Variants in INTS7 observed in about 807,000 individuals in gnomAD.
INTS7 encodes the protein integrator complex subunit 7, also known as chromosome 1 open reading frame 73.
INTS7 carries 46 observed loss-of-function variants against 109.2 expected under a neutral mutation model. That is an observed-to-expected ratio of 0.42 (90% confidence interval 0.33 to 0.54). INTS7 has a LOEUF of 0.54. Among genes scored for constraint, INTS7 ranks in the 20% least tolerant of loss-of-function variants. INTS7 has a pLI of 0.07. For synonymous variants in INTS7, 412 were observed against 402.9 expected (o/e 1.02, Z -0.27); for missense variants, 929 against 1,132.4 (o/e 0.82, Z 2.58).
intron 7 of INTS7, among the ~76,000 whole-genome samples, chr1:212,003,305 C>CAAAA (rs35903155): frequency 1.8e-4 from 11 of 61,872 alleles, no homozygotes; most frequent in East Asian, 6.5e-4. Flanking sequence ...AATTTTAAAG[C>CAAAA]AAAAAAAAAA....
rs1350598568 is a variant in INTS7 at position 211,960,471 on chromosome 1, C to T, written c.2183+5959G>A. On this transcript the variant is annotated intron_variant, in intron 16 of 19. Transcript: ENST00000366994. ...AACTGGGCTGAAATGGCTGGAATTA[C>T]AGAAACAGAAATCAGAGTATGGATG... 2.0e-5 allele frequency among the ~76,000 whole-genome samples: 3 copies of T among 151,956 alleles called. No homozygotes were observed. In the East Asian group the frequency reaches 5.8e-4, roughly 29 times the overall value.
Position 212,006,073 on chromosome 1 carries a change from A to G in INTS7, c.879+566T>C, listed in dbSNP as rs142705953. ...GTGTTATTTCTATCGGTAATGGGTAAACAAACAGGGTTCTATTTTGAGAAA... is the reference window on the plus strand; with the variant it reads ...GTGTTATTTCTATCGGTAATGGGTAGACAAACAGGGTTCTATTTTGAGAAA... On this transcript the variant is annotated intron_variant, in intron 7 of 19. Transcript: ENST00000366994. Among the ~76,000 whole-genome samples the G allele has an allele frequency of 7.7e-3, 1,167 of 152,288 alleles. 14 individuals carry two copies. The highest frequency in any genetic ancestry group is 0.014 in the Non-Finnish European group (937 of 68,018).
At chr1:211,991,987 A>G (rs1303926471) in intron 7 of INTS7, among the ~76,000 whole-genome samples, 1 of 152,270 alleles carries the variant, frequency 6.6e-6, no homozygotes, top group Non-Finnish European at 1.5e-5. Context: ...TGAAAGAAAG[A>G]GCAGGGGATG....
At chr1:212,033,977 G>A (rs770665365) in intron 1 of INTS7, among the ~76,000 whole-genome samples, 5 of 152,202 alleles carry the variant, frequency 3.3e-5, no homozygotes, top group Admixed American at 6.5e-5. Flanking sequence ...CAGCTACTCG[G>A]GAGGCTGAGG....
At chr1:211,982,641 A>AG (rs762972143) in intron 9 of INTS7, 35 bp downstream of exon 9, 4 of 1,511,730 alleles carry the variant, frequency 2.6e-6, no homozygotes, top group Admixed American at 2.2e-5. Flanking sequence ...TCTAAACCAA[A>AG]GTTTATACGT....
Position 211,940,718 on chromosome 1 carries a change from T to TA in INTS7, c.*1105dup, listed in dbSNP as rs1459168287. ...ATCCCAACAAACTGAGCCTGTGTAATAAAGAGACTGCTCTCTCTAAACAAT... is the reference window on the plus strand; with the variant it reads ...ATCCCAACAAACTGAGCCTGTGTAATAAAAGAGACTGCTCTCTCTAAACAAT... On this transcript the variant is annotated 3_prime_UTR_variant, in exon 20 of 20. Transcript: ENST00000366994. The TA allele has an allele frequency of 3.9e-5, 6 of 152,176 alleles. No homozygotes were observed. Among genetic ancestry groups the TA allele is most frequent in the Non-Finnish European group, 7.3e-5 (5 of 68,036 alleles). 9.4% of individuals were successfully genotyped at this position (152,176 alleles called of 1,614,324 possible).
intron 17 of INTS7, among the ~76,000 whole-genome samples, chr1:211,951,601 C>T (rs59706922): frequency 0.072 from 10,921 of 152,148 alleles, 1,125 homozygotes; most frequent in East Asian, 0.54. Flanking sequence ...CCACCGCACC[C>T]GGCCAGGATG....
intron 13 of INTS7, among the ~76,000 whole-genome samples, chr1:211,971,915 CAAAAAAA>C (rs745814699): frequency 3.8e-5 from 3 of 79,818 alleles, no homozygotes; most frequent in Non-Finnish European, 7.1e-5. Flanking sequence ...AACTCAGTCT[CAAAAAAA>C]AAAAAAAAAA....
intron 13 of INTS7, among the ~76,000 whole-genome samples, chr1:211,974,506 A>G (rs1487875209): frequency 6.6e-6 from 1 of 151,892 alleles, no homozygotes; most frequent in African/African-American, 2.4e-5. Context: ...GTCATGTGAC[A>G]GTATTTTTAA....
intron 7 of INTS7, among the ~76,000 whole-genome samples, chr1:212,000,572 A>T (rs1665622031): frequency 6.6e-6 from 1 of 152,232 alleles, no homozygotes; most frequent in African/African-American, 2.4e-5. Flanking sequence ...CTACCCTTAA[A>T]AAAGCATTTA....
At chr1:211,985,625 G>A (rs186269723) in intron 8 of INTS7, among the ~76,000 whole-genome samples, 3 of 152,272 alleles carry the variant, frequency 2.0e-5, no homozygotes, top group East Asian at 3.9e-4. Context: ...AAGTTATTGT[G>A]CATGTAAGTC....
chr1:212,028,577 G>GA (rs1398785732), intron 1 of INTS7, among the ~76,000 whole-genome samples: 1 of 152,130 alleles, frequency 6.6e-6, no homozygotes, highest in African/African-American at 2.4e-5. Context: ...GTACTGGTAA[G>GA]AAAGTAAATG....
chr1:212,009,951 T>C (rs1359142581), intron 5 of INTS7, among the ~76,000 whole-genome samples: 1 of 152,244 alleles, frequency 6.6e-6, no homozygotes, highest in Non-Finnish European at 1.5e-5. Context: ...GAGCAAGTTC[T>C]CTTTAATTTT....
chr1:211,963,629 T>C (rs114558033), intron 16 of INTS7, among the ~76,000 whole-genome samples: 3,111 of 152,114 alleles, frequency 0.02, 114 homozygotes, highest in African/African-American at 0.07. Context: ...ATCAAAAAGC[T>C]TATCCACCAC....
Position 211,943,242 on chromosome 1 carries a change from G to GT in INTS7, c.2602-1132dup, listed in dbSNP as rs370619214. Among the ~76,000 whole-genome samples, 807 of 151,990 alleles carry GT rather than the reference G, an allele frequency of 5.3e-3. 3 individuals are homozygous for GT. The highest frequency in any genetic ancestry group is 0.018 in the African/African-American group (764 of 41,428). ...AACTCACTGTGAATAACACTGCAAA[G>GT]TAATCATGTTATTACTCGGCTTATT... On this transcript the variant is annotated intron_variant, in intron 19 of 19. Transcript: ENST00000366994.
intron 16 of INTS7, among the ~76,000 whole-genome samples, chr1:211,954,478 A>G (rs1315249669): frequency 6.6e-6 from 1 of 152,134 alleles, no homozygotes; most frequent in African/African-American, 2.4e-5. Context: ...GCCCATGCCT[A>G]TGTCCTGAAT....
At chr1:211,989,800 C>T (rs1435250520) in intron 7 of INTS7, among the ~76,000 whole-genome samples, 6 of 144,420 alleles carry the variant, frequency 4.2e-5, no homozygotes, top group South Asian at 2.2e-4. Context: ...CCAGCCAGGG[C>T]GACAGAGCAA....
chr1:211,998,067 C>T (rs1034405230), intron 7 of INTS7, among the ~76,000 whole-genome samples: 6 of 152,140 alleles, frequency 3.9e-5, no homozygotes, highest in Admixed American at 1.3e-4. Context: ...CAAGCGATCC[C>T]GCCAGCTCAG....
chr1:211,993,103 T>C (rs1665215002), intron 7 of INTS7, among the ~76,000 whole-genome samples: 1 of 152,246 alleles, frequency 6.6e-6, no homozygotes, highest in Non-Finnish European at 1.5e-5. Context: ...AAGGAGTTTA[T>C]AATCTTTAAA....
Sources: gnomAD v4.1 joint callset for allele counts (sites outside exome capture counted in the v4.1 genomes callset) on GRCh38, gnomAD v4.1.1 for gene constraint, MANE v1.5 for transcripts, NCBI Gene and HGNC (gene_info 2026-07-23, HGNC 2026-07-21) for gene names.